SPAG16: variants seen among roughly 807,000 people sequenced by gnomAD.
SPAG16 encodes sperm-associated antigen 16 protein.
SPAG16 carries 86 observed loss-of-function variants against 80.4 expected under a neutral mutation model. The observed-to-expected ratio is 1.07, with a 90% CI of 0.90 to 1.28. SPAG16 has a LOEUF of 1.28. Among genes scored for constraint, SPAG16 ranks in the 50% most tolerant of loss-of-function variants. The pLI is 0.00. For missense variants in SPAG16, 870 were observed against 765.3 expected (o/e 1.14, Z -1.61); for synonymous variants, 294 against 265.9 (o/e 1.11, Z -1.03).
At chr2:214,132,355 G>A (rs1029276750) in intron 14 of SPAG16, among the ~76,000 whole-genome samples, 10 of 152,152 alleles carry the variant, frequency 6.6e-5, no homozygotes, top group African/African-American at 2.2e-4. Flanking sequence ...AATGTCCAAT[G>A]TGATAGGTGC....
At chr2:213,618,752 A>T (rs940611284) in intron 10 of SPAG16, among the ~76,000 whole-genome samples, 2 of 152,028 alleles carry the variant, frequency 1.3e-5, no homozygotes, top group African/African-American at 4.8e-5. Flanking sequence ...AAAAAATTTA[A>T]AAAAAGGAAA....
At chr2:213,298,994 G>A (rs1308472066) in intron 3 of SPAG16, among the ~76,000 whole-genome samples, 1 of 152,086 alleles carries the variant, frequency 6.6e-6, no homozygotes, top group Non-Finnish European at 1.5e-5. Context: ...TTAATCTTCA[G>A]TAATTTGAAT....
intron 15 of SPAG16, among the ~76,000 whole-genome samples, chr2:214,367,886 A>C (rs1559247641): frequency 1.3e-5 from 2 of 152,118 alleles, no homozygotes; most frequent in African/African-American, 2.4e-5. Flanking sequence ...CTCTTCCCAC[A>C]ATAAACATCA....
chr2:213,472,351 A>T (rs1270331973), intron 9 of SPAG16, among the ~76,000 whole-genome samples: 1 of 152,116 alleles, frequency 6.6e-6, no homozygotes, highest in Non-Finnish European at 1.5e-5. Context: ...CAGCAGCTGC[A>T]AATGGAGTCA....
intron 9 of SPAG16, among the ~76,000 whole-genome samples, chr2:213,463,260 T>G (rs1416839411): frequency 6.6e-6 from 1 of 152,196 alleles, no homozygotes; most frequent in Admixed American, 6.5e-5. Flanking sequence ...TTTGGAAAGT[T>G]TGCAGCCTGG....
chr2:214,374,579 G>A (rs1009175075), intron 15 of SPAG16, among the ~76,000 whole-genome samples: 9 of 152,152 alleles, frequency 5.9e-5, no homozygotes, highest in South Asian at 2.1e-4. Flanking sequence ...ACGGAGTGAA[G>A]CAGAACAGCA....
intron 15 of SPAG16, among the ~76,000 whole-genome samples, chr2:214,187,183 T>C (rs989762834): frequency 3.3e-5 from 5 of 151,922 alleles, no homozygotes; most frequent in African/African-American, 1.2e-4. Flanking sequence ...ACGTTAAGTG[T>C]AAGTACATAC....
intron 13 of SPAG16, among the ~76,000 whole-genome samples, chr2:214,086,641 G>A (rs2051782045): frequency 6.6e-6 from 1 of 152,014 alleles, no homozygotes; most frequent in South Asian, 2.1e-4. Context: ...CAGCCATGTG[G>A]AACTATGAAC....
Position 213,795,360 on chromosome 2 carries a change from G to C in SPAG16, c.1071-67125G>C, listed in dbSNP as rs548905767. On this transcript the variant is annotated intron_variant, in intron 10 of 15. Transcript: ENST00000331683. ...AATGTAATTGACAAATACACAAAAA[G>C]GTTACTAATACCACTAGTCATTTCT... Among the ~76,000 whole-genome samples the C allele has an allele frequency of 2.6e-5, 4 of 152,190 alleles. No homozygotes were observed. The South Asian group carries it at 8.3e-4, about 32-fold the overall frequency.
intron 14 of SPAG16, among the ~76,000 whole-genome samples, chr2:214,108,480 C>CACA (rs56781283): frequency 0.067 from 3,516 of 52,468 alleles, 169 homozygotes; most frequent in African/African-American, 0.15. Context: ...CACACACACA[C>CACA]CCCCACACAC....
chr2:213,997,031 A>G (rs1288931620), intron 12 of SPAG16, among the ~76,000 whole-genome samples: 1 of 152,226 alleles, frequency 6.6e-6, no homozygotes, highest in East Asian at 1.9e-4. Flanking sequence ...GAAAAGTTGA[A>G]CTAATTGAGA....
chr2:213,745,147 A>G (rs2067757777), intron 10 of SPAG16, among the ~76,000 whole-genome samples: 1 of 152,206 alleles, frequency 6.6e-6, no homozygotes. Context: ...AATGCAATTA[A>G]TTAAATGCAG....
chr2:214,180,640 A>T (rs1191815166), intron 15 of SPAG16, among the ~76,000 whole-genome samples: 1 of 151,694 alleles, frequency 6.6e-6, no homozygotes, highest in Non-Finnish European at 1.5e-5. Context: ...CACTGCACTG[A>T]TACAGAATAA....
chr2:214,109,541 A>G lies in SPAG16; in HGVS notation c.1593+1280A>G, dbSNP rs72937985. Among the ~76,000 whole-genome samples the G allele has an allele frequency of 3.9e-4, 60 of 152,304 alleles. 1 individual carries two copies. The highest frequency in any genetic ancestry group is 7.6e-4 in the Non-Finnish European group (52 of 68,012). Reference sequence around the variant, plus strand: ...ATAGCATAGTCAAAATTCTGTTACCATCCTGCTAGTATCATTCTTTTAGAA... The same window carrying G: ...ATAGCATAGTCAAAATTCTGTTACCGTCCTGCTAGTATCATTCTTTTAGAA... On this transcript the variant is annotated intron_variant, in intron 14 of 15. Transcript: ENST00000331683.
intron 15 of SPAG16, among the ~76,000 whole-genome samples, chr2:214,377,855 C>T (rs1257872627): frequency 1.3e-5 from 2 of 152,150 alleles, no homozygotes; most frequent in African/African-American, 4.8e-5. Flanking sequence ...TCAAACATAT[C>T]CCTATCTTAA....
At chr2:214,053,779 G>A (rs2049786497) in intron 13 of SPAG16, among the ~76,000 whole-genome samples, 1 of 152,114 alleles carries the variant, frequency 6.6e-6, no homozygotes, top group African/African-American at 2.4e-5. Context: ...AAGTGACAAG[G>A]TTAGCTGAGA....
At chr2:213,742,345 C>G (rs961779679) in intron 10 of SPAG16, among the ~76,000 whole-genome samples, 1 of 151,960 alleles carries the variant, frequency 6.6e-6, no homozygotes, top group African/African-American at 2.4e-5. Flanking sequence ...TCCATTTGCA[C>G]CTCTTCTGAC....
intron 10 of SPAG16, among the ~76,000 whole-genome samples, chr2:213,630,353 C>T (rs371249886): frequency 3.2e-4 from 48 of 150,580 alleles, no homozygotes; most frequent in East Asian, 1.6e-3. Context: ...CACTGCACTC[C>T]GGCCTGGGTG....
chr2:214,070,243 C>T (rs1428274369), intron 13 of SPAG16, among the ~76,000 whole-genome samples: 2 of 151,962 alleles, frequency 1.3e-5, no homozygotes, highest in Non-Finnish European at 2.9e-5. Flanking sequence ...TATACCTATA[C>T]TTTCCCTAAT....
Sources: allele counts gnomAD v4.1 joint callset (sites outside exome capture counted in the v4.1 genomes callset), GRCh38; gene constraint gnomAD v4.1.1; transcripts MANE v1.5; gene names NCBI Gene and HGNC (gene_info 2026-07-23, HGNC 2026-07-21).